Variants in DGKB observed in about 807,000 individuals in gnomAD.
The protein encoded by DGKB is 90 kDa diacylglycerol kinase.
Under a neutral mutation model 114.3 loss-of-function variants are expected in DGKB, and 67 were observed. The observed-to-expected ratio is 0.59, with a 90% CI of 0.48 to 0.72. The LOEUF (loss-of-function observed/expected upper bound fraction) is 0.72. DGKB is among the 30% of genes least tolerant of loss of function. DGKB has a pLI of 0.00. For synonymous variants in DGKB, 398 were observed against 323.1 expected (o/e 1.23, Z -2.49); for missense variants, 907 against 975.2 (o/e 0.93, Z 0.93).
At chr7:14,263,796 T>G (rs2128417723) in intron 23 of DGKB, among the ~76,000 whole-genome samples, 1 of 152,268 alleles carries the variant, frequency 6.6e-6, no homozygotes, top group Admixed American at 6.5e-5. Flanking sequence ...AAATCATTTT[T>G]TATTGTATTT....
At chr7:14,325,119 G>T (rs1808491054) in intron 23 of DGKB, among the ~76,000 whole-genome samples, 1 of 152,142 alleles carries the variant, frequency 6.6e-6, no homozygotes, top group Non-Finnish European at 1.5e-5. Context: ...TTCTTAGTCA[G>T]CCTGTACTTT....
rs6962517 is a variant in DGKB, at chr7:14,378,019, C to T, written c.1836-32628G>A. Among the ~76,000 whole-genome samples, 428 of 152,230 alleles carry T rather than the reference C, an allele frequency of 2.8e-3. 2 individuals are homozygous for T. Among genetic ancestry groups the T allele is most frequent in the African/African-American group, 1.0e-2 (414 of 41,540 alleles). On this transcript the variant is annotated intron_variant, in intron 21 of 25. Coordinates refer to ENST00000402815, the MANE Select transcript of DGKB (RefSeq NM_001350709.2). ...CTGGATCTGCTAGCCTACTAAAATC[C>T]CCCTGTGATTCTGGAGTATAGTAGA...
At chr7:14,886,270 C>T (rs116155354) in intron 1 of DGKB, among the ~76,000 whole-genome samples, 299 of 151,828 alleles carry the variant, frequency 2.0e-3, no homozygotes, top group African/African-American at 6.7e-3. Flanking sequence ...TTCAAGCTGA[C>T]GGAGATCTGA....
chr7:14,152,783 G>A (rs539798788), intron 25 of DGKB, among the ~76,000 whole-genome samples: 3 of 152,036 alleles, frequency 2.0e-5, no homozygotes. Flanking sequence ...CATTTTTAAG[G>A]TTGCATAGTT....
chr7:14,397,217 G>A (rs753129313), intron 21 of DGKB, among the ~76,000 whole-genome samples: 1 of 152,114 alleles, frequency 6.6e-6, no homozygotes, highest in African/African-American at 2.4e-5. Context: ...TATATGAAGA[G>A]CTAAAGTTAC....
Position 14,671,171 on chromosome 7 carries a change from A to G in DGKB, c.1134+1758T>C, listed in dbSNP as rs184637542. Among the ~76,000 whole-genome samples, 110 of 152,250 alleles carry G rather than the reference A, an allele frequency of 7.2e-4. 1 individual carries two copies. Among genetic ancestry groups the G allele is most frequent in the African/African-American group, 2.5e-3 (103 of 41,560 alleles). ...CATTGAGAAGAATACTAAGAGAGGA[A>G]TGCCATGACATAGGAGGGTAGAATC... On this transcript the variant is annotated intron_variant, in intron 13 of 25. Transcript: ENST00000402815.
chr7:14,360,998 A>G (rs548981962), intron 21 of DGKB, among the ~76,000 whole-genome samples: 1 of 152,074 alleles, frequency 6.6e-6, no homozygotes, highest in Non-Finnish European at 1.5e-5. Context: ...CGAGAAAAAA[A>G]TTACACCTCT....
At chr7:14,171,296 T>G (rs898666976) in intron 25 of DGKB, among the ~76,000 whole-genome samples, 2 of 152,210 alleles carry the variant, frequency 1.3e-5, no homozygotes, top group Non-Finnish European at 2.9e-5. Flanking sequence ...CATTTCACTA[T>G]TTAATGTATA....
chr7:14,292,458 T>C (rs1343483525), intron 23 of DGKB, among the ~76,000 whole-genome samples: 4 of 152,214 alleles, frequency 2.6e-5, no homozygotes, highest in Non-Finnish European at 5.9e-5. Context: ...CATCTCGGAT[T>C]GACTACAATT....
chr7:14,621,684 C>A (rs187597797), intron 14 of DGKB, among the ~76,000 whole-genome samples, 190 bp from the exon 15 acceptor site: 2 of 151,898 alleles, frequency 1.3e-5, no homozygotes, highest in Non-Finnish European at 2.9e-5. Flanking sequence ...GCTTCATGAT[C>A]GAACCACCAT....
rs1037092486 is a variant in DGKB, at chr7:14,170,181, GAA to G, written c.2304+6656_2304+6657del. Among the ~76,000 whole-genome samples, 23 of 142,488 alleles carry G rather than the reference GAA, an allele frequency of 1.6e-4. 1 individual carries two copies. Among genetic ancestry groups the G allele is most frequent in the East Asian group, 2.1e-4 (1 of 4,652 alleles). 93.5% of individuals were successfully genotyped at this position (142,488 alleles called of 152,430 possible). Reference sequence around the variant, plus strand: ...AGAAAGAAAGAAAGAAAGAAAGAAAGAAAGAAAGAAAGAAAGAAAGAAATACA... The same window carrying G: ...AGAAAGAAAGAAAGAAAGAAAGAAAGAGAAAGAAAGAAAGAAAGAAATACA... On this transcript the variant is annotated intron_variant, in intron 25 of 25. Transcript: ENST00000402815.
At chr7:14,758,916 G>GATAGATAGATAC (rs1260471904) in intron 2 of DGKB, among the ~76,000 whole-genome samples, 1 of 148,458 alleles carries the variant, frequency 6.7e-6, no homozygotes, top group African/African-American at 2.6e-5. Context: ...TAGATAGATA[G>GATAGATAGATAC]ATAGATAGAT....
chr7:14,700,944 T>C (rs1210978828), intron 7 of DGKB, among the ~76,000 whole-genome samples: 1 of 152,094 alleles, frequency 6.6e-6, no homozygotes. Flanking sequence ...AAACATAAGG[T>C]AGATTATTGG....
At chr7:14,229,207 TACTC>T (rs1438255078) in intron 23 of DGKB, among the ~76,000 whole-genome samples, 1 of 152,028 alleles carries the variant, frequency 6.6e-6, no homozygotes, top group Non-Finnish European at 1.5e-5. Context: ...TGGTCAGTAT[TACTC>T]ATACATACAT....
chr7:14,588,286 C>A (rs1177062650), intron 17 of DGKB, among the ~76,000 whole-genome samples: 3 of 151,486 alleles, frequency 2.0e-5, no homozygotes, highest in African/African-American at 4.8e-5. Context: ...TTTCAAATAT[C>A]TTCTACAAAT....
At chr7:14,426,647 G>A (rs2128776919) in intron 21 of DGKB, among the ~76,000 whole-genome samples, 1 of 152,262 alleles carries the variant, frequency 6.6e-6, no homozygotes, top group Non-Finnish European at 1.5e-5. Context: ...TATGAGTTCA[G>A]AAAAGGCGAA....
At position 14,685,252 on chromosome 7, in the gene DGKB, G is replaced by C; in HGVS notation, c.822C>G (p.Cys274Trp). The C allele has an allele frequency of 6.2e-7, 1 of 1,611,468 alleles. No homozygotes were observed. Among genetic ancestry groups the C allele is most frequent in the Non-Finnish European group, 8.5e-7 (1 of 1,177,640 alleles). Reference protein sequence around the residue: ...MLIGVGKQGLCCSFCKYTVHE... With the variant: ...MLIGVGKQGLWCSFCKYTVHE... ...CAGAGCAAATGTACTCACAGGAACA[G>C]CAGAGGCCCTGCTTCCCCACGCCAA... Residue 274 changes from cysteine (C) to tryptophan (W), a missense_variant, in exon 10 of 26, where the codon TGC (cysteine) becomes TGG (tryptophan). Coordinates refer to ENST00000402815, the MANE Select transcript of DGKB (RefSeq NM_001350709.2).
At chr7:14,204,294 A>G (rs146142037) in intron 23 of DGKB, among the ~76,000 whole-genome samples, 117 of 152,052 alleles carry the variant, frequency 7.7e-4, no homozygotes, top group African/African-American at 2.8e-3. Flanking sequence ...TGAAAACTTG[A>G]GGGGCCTTAT....
intron 21 of DGKB, among the ~76,000 whole-genome samples, chr7:14,433,177 G>A (rs1563173383): frequency 6.6e-6 from 1 of 152,146 alleles, no homozygotes. Flanking sequence ...GAAGATAAAA[G>A]ACTTGGTTCC....
Sources: gnomAD v4.1 joint callset for allele counts (sites outside exome capture counted in the v4.1 genomes callset) on GRCh38, gnomAD v4.1.1 for gene constraint, MANE v1.5 for transcripts, NCBI Gene and HGNC (gene_info 2026-07-23, HGNC 2026-07-21) for gene names.